The following AP1G1 variants were observed in gnomAD, a reference collection of about 807,000 sequenced individuals.
AP1G1 encodes the protein AP-1 complex subunit gamma-1.
Under a neutral mutation model 108.3 loss-of-function variants are expected in AP1G1, and 7 were observed. The observed-to-expected ratio is 0.06, with a 90% confidence interval of 0.04 to 0.12. AP1G1 has a LOEUF of 0.12. Ranked by LOEUF, AP1G1 falls within the 10% of genes least tolerant of loss-of-function variation. AP1G1 has a pLI of 1.00. For missense variants in AP1G1, 756 were observed against 1,010.7 expected (o/e 0.75, Z 3.42); for synonymous variants, 379 against 353.5 (o/e 1.07, Z -0.81).
rs746611464 is a variant in AP1G1, at chr16:71,773,065, A to C, written c.468+156T>G. 105 of 826,464 alleles carry C rather than the reference A, an allele frequency of 1.3e-4. No individual in the cohort carries two copies. The African/African-American group carries it at 1.6e-3, about 12-fold the overall frequency. The allele number at this position is 826,464 out of a possible 1,614,324, so 51.2% of individuals were successfully genotyped here. A position where few individuals can be genotyped will look rare whatever the true frequency, so the allele number is the denominator to read the frequency against. On this transcript the variant is annotated intron_variant, in intron 4 of 22. Coordinates refer to ENST00000299980, the MANE Select transcript of AP1G1 (RefSeq NM_001128.6). ...TTATAAATCATTTCCTTAAGAAAAG[A>C]GGAATTAAGGTTAATATATAATCAT... is the stretch of plus-strand genomic sequence containing the variant.
chr16:71,772,503 A>G (rs991958282), intron 4 of AP1G1, among the ~76,000 whole-genome samples: 3 of 152,326 alleles, frequency 2.0e-5, no homozygotes, highest in Middle Eastern at 3.4e-3. Context: ...AGTAGCTCAC[A>G]TATTCTTTAA....
At chr16:71,774,054 T>C (rs1597068368) in intron 3 of AP1G1, among the ~76,000 whole-genome samples, 1 of 138,090 alleles carries the variant, frequency 7.2e-6, no homozygotes. Flanking sequence ...AGAGCGAGAC[T>C]CCGTCTCAAA....
At chr16:71,775,019 C>CTTTTT (rs748508767) in intron 2 of AP1G1, among the ~76,000 whole-genome samples, 3 of 69,736 alleles carry the variant, frequency 4.3e-5, no homozygotes, top group East Asian at 3.7e-4. Flanking sequence ...CCGCGCCTGG[C>CTTTTT]TTTTTTTTTT....
intron 9 of AP1G1, 70 bp from the exon 10 acceptor site, chr16:71,761,637 A>G: frequency 8.4e-7 from 1 of 1,195,096 alleles, no homozygotes; most frequent in Non-Finnish European, 1.2e-6. Context: ...AGTTTAAAGG[A>G]TCACTTCATG....
At chr16:71,806,432 C>T (rs1263458818) in intron 1 of AP1G1, among the ~76,000 whole-genome samples, 2 of 152,168 alleles carry the variant, frequency 1.3e-5, no homozygotes, top group Admixed American at 6.6e-5. Flanking sequence ...TTGGTAGAGA[C>T]GGAGTCTCAT....
intron 2 of AP1G1, 88 bp from the exon 3 acceptor site, chr16:71,774,680 T>C: frequency 7.2e-7 from 1 of 1,383,692 alleles, no homozygotes; most frequent in Non-Finnish European, 9.8e-7. Flanking sequence ...AGTCCCCAGC[T>C]GGCTAAAGTA....
In AP1G1 at chr16:71,729,605, T is replaced by G. The variant is rs1261918690; in HGVS notation, c.*3453A>C. The G allele has an allele frequency of 6.6e-6, 1 of 152,580 alleles. No homozygotes were observed. Among genetic ancestry groups the G allele is most frequent in the Non-Finnish European group, 1.5e-5 (1 of 68,020 alleles). The allele number at this position is 152,580 out of a possible 1,614,324, so 9.5% of individuals were successfully genotyped here. On this transcript the variant is annotated 3_prime_UTR_variant, in exon 23 of 23. Coordinates refer to ENST00000299980, the MANE Select transcript of AP1G1 (RefSeq NM_001128.6). The stretch of plus-strand genomic sequence containing the variant: ...ACTCACTGATATTGCTTGAAAAAGT[T>G]ATTCACTTCCAGTTCTACAAGCAGC...
intron 5 of AP1G1, among the ~76,000 whole-genome samples, chr16:71,770,615 C>A (rs184532070): frequency 1.4e-3 from 211 of 152,310 alleles, no homozygotes; most frequent in Admixed American, 2.5e-3. Flanking sequence ...GTGGCTGGGA[C>A]CACAGGCATG....
chr16:71,776,085 C>T lies in AP1G1; in HGVS notation c.202-1493G>A, dbSNP rs548455853. 2.6e-4 allele frequency among the ~76,000 whole-genome samples: 40 copies of T among 152,286 alleles called. No individual in the cohort carries two copies. In the East Asian group the frequency reaches 6.0e-3, roughly 23 times the overall value. On this transcript the variant is annotated intron_variant, in intron 2 of 22. Transcript: ENST00000299980. Reference sequence around the variant, plus strand: ...ATGATCCCCTTTAGAATCATACCTCCCAAGGGAAGGGGCTCAAATGGATAC... The same window carrying T: ...ATGATCCCCTTTAGAATCATACCTCTCAAGGGAAGGGGCTCAAATGGATAC...
intron 1 of AP1G1, among the ~76,000 whole-genome samples, chr16:71,798,604 C>T (rs1021687391): frequency 5.3e-5 from 8 of 149,922 alleles, no homozygotes; most frequent in East Asian, 2.1e-4. Context: ...TAAATGAGGC[C>T]GGGCGTGGTG....
Position 71,808,813 on chromosome 16 carries a change from T to TGGCAGCAGG in AP1G1, c.-63_-55dup, listed in dbSNP as rs538269759. On this transcript the variant is annotated 5_prime_UTR_variant, in exon 1 of 23. Transcript: ENST00000299980. ...GCAGCTCCGGGGGCGGCGGCAGCAG[T>TGGCAGCAGG]GGCAGCAGGAACCGAACATCCAAAA... is the stretch of plus-strand genomic sequence containing the variant. 198 of 1,289,588 alleles carry TGGCAGCAGG rather than the reference T, an allele frequency of 1.5e-4. No individual in the cohort carries two copies. The South Asian group carries it at 2.3e-3, about 15-fold the overall frequency. The allele number at this position is 1,289,588 out of a possible 1,614,324, so 79.9% of individuals were successfully genotyped here.
At chr16:71,742,866 G>A (rs2036337) in intron 19 of AP1G1, 52,264 of 151,748 alleles carry the variant, frequency 0.34, 9,775 homozygotes, top group East Asian at 0.76. Context: ...CCAGCTACTC[G>A]GGAGGCTGAG....
chr16:71,739,778 C>T (rs1167237540), intron 19 of AP1G1, among the ~76,000 whole-genome samples: 1 of 151,334 alleles, frequency 6.6e-6, no homozygotes, highest in Non-Finnish European at 1.5e-5. Flanking sequence ...GAGAGAGAGC[C>T]CACAGACAGG....
intron 21 of AP1G1, among the ~76,000 whole-genome samples, chr16:71,738,282 C>T (rs982654929): frequency 6.6e-6 from 1 of 151,300 alleles, no homozygotes; most frequent in African/African-American, 2.4e-5. Context: ...GGTTCTCGAA[C>T]TCCTGATCTC....
chr16:71,733,032 T>C lies in AP1G1; in HGVS notation c.*26A>G. On this transcript the variant is annotated 3_prime_UTR_variant, in exon 23 of 23. Transcript: ENST00000299980. ...CCAGAGTTCCTTTGATTGAGTGGGA[T>C]AAAGAATGAGAATGGTGCCAAACCC... 6.3e-7 allele frequency: 1 copy of C among 1,580,064 alleles called. No homozygotes were observed. The highest frequency in any genetic ancestry group is 8.7e-7 in the Non-Finnish European group (1 of 1,151,366).
rs113094443 is a variant in AP1G1, at chr16:71,749,050, G to C, written c.1498-672C>G. 1.4e-3 allele frequency among the ~76,000 whole-genome samples: 216 copies of C among 152,168 alleles called. 2 individuals carry two copies. Among genetic ancestry groups the C allele is most frequent in the African/African-American group, 4.9e-3 (204 of 41,534 alleles). ...GCCTCCCGAGTAGCTGGGACTACAG[G>C]TGCCTGCCACCACGCCCGGCCAATT... is the stretch of plus-strand genomic sequence containing the variant. On this transcript the variant is annotated intron_variant, in intron 15 of 22. Transcript: ENST00000299980.
chr16:71,768,935 A>G (rs1394130954), intron 6 of AP1G1, among the ~76,000 whole-genome samples: 4 of 143,158 alleles, frequency 2.8e-5, no homozygotes, highest in East Asian at 2.0e-4. Context: ...AAAAAAAAAA[A>G]AAAAAGAAAA....
At chr16:71,808,392 T>TG in intron 1 of AP1G1, 1 of 979,726 alleles carries the variant, frequency 1.0e-6, no homozygotes, top group Non-Finnish European at 1.3e-6. Context: ...CGCTGATACG[T>TG]GGCTCAGAGA....
At chr16:71,808,625 G>A in intron 1 of AP1G1, 138 bp downstream of exon 1, 1 of 1,289,716 alleles carries the variant, frequency 7.8e-7, no homozygotes, top group Non-Finnish European at 1.0e-6. Context: ...TCCTGGCCCA[G>A]CTTCTCTGTC....
Sources: gnomAD v4.1 joint callset for allele counts (sites outside exome capture counted in the v4.1 genomes callset) on GRCh38, gnomAD v4.1.1 for gene constraint, MANE v1.5 for transcripts, NCBI Gene and HGNC (gene_info 2026-07-23, HGNC 2026-07-21) for gene names.